CYRIA: variants seen among roughly 807,000 people sequenced by gnomAD.
CYRIA encodes the protein CYFIP related Rac1 interactor A.
CYRIA carries 15 observed loss-of-function variants against 43.9 expected under a neutral mutation model. The ratio of observed to expected loss-of-function variants is 0.34; its 90% confidence interval spans 0.23 to 0.53. The LOEUF (loss-of-function observed/expected upper bound fraction) is 0.53, where lower values mean the gene tolerates loss of function less well. Ranked by LOEUF, CYRIA falls within the 20% of genes least tolerant of loss-of-function variation. CYRIA has a pLI of 0.94. For missense variants in CYRIA, 236 were observed against 394.2 expected, an observed-to-expected ratio of 0.60 and a Z score of 3.40; for synonymous variants, 117 against 136.0, an observed-to-expected ratio of 0.86 and a Z score of 0.97.
chr2:16,617,266 T>C (rs1411565771), intron 2 of CYRIA, among the ~76,000 whole-genome samples: 1 of 152,040 alleles, frequency 6.6e-6, no homozygotes, highest in African/African-American at 2.4e-5. Context: ...GCCAAGTTGG[T>C]TTCAGCAGTC....
intron 1 of CYRIA, among the ~76,000 whole-genome samples, chr2:16,643,573 G>C (rs1436717665): frequency 6.6e-6 from 1 of 152,172 alleles, no homozygotes; most frequent in African/African-American, 2.4e-5. Flanking sequence ...TAATAATTGT[G>C]TACACGTTCC....
chr2:16,554,984 G>C, intron 11 of CYRIA, 85 bp downstream of exon 11: 1 of 963,666 alleles, frequency 1.0e-6, no homozygotes, highest in Non-Finnish European at 1.6e-6. Flanking sequence ...GGTTAAGTTT[G>C]GTGCTATCCA....
At chr2:16,652,761 G>A (rs1397023507) in intron 1 of CYRIA, among the ~76,000 whole-genome samples, 1 of 152,162 alleles carries the variant, frequency 6.6e-6, no homozygotes, top group African/African-American at 2.4e-5. Context: ...GGGATCGGAT[G>A]AGCAGTTAAT....
At position 16,557,443 on chromosome 2, in the gene CYRIA, T is replaced by C. The variant is rs187822336; in HGVS notation, c.837+2017A>G. On this transcript the variant is annotated intron_variant, in intron 10 of 11. Coordinates refer to ENST00000381323, the MANE Select transcript of CYRIA (RefSeq NM_030797.4). ...GGCCCTCACGAAGAGATCCTGGGGT[T>C]TTCACAGTTGATGCTGATGCCCTAA... 2.8e-3 allele frequency among the ~76,000 whole-genome samples: 419 copies of C among 152,226 alleles called. 2 individuals are homozygous for C. The highest frequency in any genetic ancestry group is 6.4e-3 in the Admixed American group (98 of 15,284).
At chr2:16,604,791 T>C (rs1668334360) in intron 2 of CYRIA, among the ~76,000 whole-genome samples, 1 of 152,232 alleles carries the variant, frequency 6.6e-6, no homozygotes, top group South Asian at 2.1e-4. Context: ...ACATCCCTGC[T>C]CCATCTGCCA....
intron 3 of CYRIA, among the ~76,000 whole-genome samples, chr2:16,575,240 T>C (rs1319886656): frequency 1.3e-5 from 2 of 152,212 alleles, no homozygotes; most frequent in East Asian, 3.8e-4. Flanking sequence ...CTTTTGATTT[T>C]ACAGGCTCAT....
At chr2:16,558,752 T>C (rs960975429) in intron 10 of CYRIA, among the ~76,000 whole-genome samples, 14 of 152,056 alleles carry the variant, frequency 9.2e-5, no homozygotes, top group African/African-American at 3.1e-4. Context: ...TGTGAGGCAA[T>C]AGAGCAGACA....
intron 2 of CYRIA, among the ~76,000 whole-genome samples, chr2:16,606,788 C>T (rs899043823): frequency 2.6e-5 from 4 of 152,176 alleles, no homozygotes; most frequent in East Asian, 1.9e-4. Flanking sequence ...TGGGATGACT[C>T]GACATCTAAG....
chr2:16,618,057 T>A (rs1202892001), intron 2 of CYRIA, among the ~76,000 whole-genome samples: 1 of 152,192 alleles, frequency 6.6e-6, no homozygotes. Context: ...GGGGCAGCAC[T>A]GTGGGGTTTT....
At chr2:16,577,648 TA>T (rs1667397426) in intron 3 of CYRIA, among the ~76,000 whole-genome samples, 1 of 152,150 alleles carries the variant, frequency 6.6e-6, no homozygotes, top group Admixed American at 6.5e-5. Flanking sequence ...TCACACACTG[TA>T]AAAAGAAGAG....
At chr2:16,631,437 G>A (rs1222381395) in intron 1 of CYRIA, among the ~76,000 whole-genome samples, 1 of 152,196 alleles carries the variant, frequency 6.6e-6, no homozygotes, top group Admixed American at 6.5e-5. Context: ...AGGCTGTGGA[G>A]GACTTTACAC....
At chr2:16,583,899 T>C (rs1311705361) in intron 3 of CYRIA, among the ~76,000 whole-genome samples, 2 of 152,198 alleles carry the variant, frequency 1.3e-5, no homozygotes, top group Non-Finnish European at 2.9e-5. Context: ...ATCAGATCTA[T>C]GCAACAGGAA....
chr2:16,602,031 C>A (rs778964729), intron 2 of CYRIA, among the ~76,000 whole-genome samples: 1 of 152,166 alleles, frequency 6.6e-6, no homozygotes, highest in African/African-American at 2.4e-5. Flanking sequence ...TAGGAGATTT[C>A]TTTCTTTGGT....
At chr2:16,624,634 C>T (rs1572185029) in intron 1 of CYRIA, among the ~76,000 whole-genome samples, 1 of 152,140 alleles carries the variant, frequency 6.6e-6, no homozygotes, top group South Asian at 2.1e-4. Context: ...TTTCTGTCCA[C>T]GTTTCAGAGA....
chr2:16,549,979 T>C lies in CYRIA; in HGVS notation c.*2957A>G, dbSNP rs1666235931. Reference sequence around the variant, plus strand: ...CCACCCCTAATGTGAAGACATCCATTTCCAGTTGTTTTTTTTTTTTGTTAT... The same window carrying C: ...CCACCCCTAATGTGAAGACATCCATCTCCAGTTGTTTTTTTTTTTTGTTAT... On this transcript the variant is annotated 3_prime_UTR_variant, in exon 12 of 12. Transcript: ENST00000381323. The C allele has an allele frequency of 7.2e-6, 1 of 138,754 alleles. No homozygotes were observed. The highest frequency in any genetic ancestry group is 7.6e-5 in the Admixed American group (1 of 13,236). The allele number at this position is 138,754 out of a possible 1,614,324, so 8.6% of individuals were successfully genotyped here. A position where few individuals can be genotyped will look rare whatever the true frequency, so the allele number is the denominator to read the frequency against.
At chr2:16,614,924 G>T (rs1266810650) in intron 2 of CYRIA, among the ~76,000 whole-genome samples, 6 of 152,178 alleles carry the variant, frequency 3.9e-5, no homozygotes, top group Admixed American at 2.0e-4. Flanking sequence ...CTGCGGCACA[G>T]CAAGATTCTG....
intron 1 of CYRIA, among the ~76,000 whole-genome samples, chr2:16,645,653 C>T (rs1410201017): frequency 2.6e-5 from 4 of 152,108 alleles, no homozygotes; most frequent in Non-Finnish European, 4.4e-5. Flanking sequence ...AAAAGCTCTA[C>T]GATGTCACAA....
chr2:16,589,289 A>T (rs1043532228), intron 2 of CYRIA, among the ~76,000 whole-genome samples: 5 of 152,090 alleles, frequency 3.3e-5, no homozygotes, highest in Admixed American at 1.3e-4. Flanking sequence ...GATACAAGGA[A>T]TTTTAAAAAA....
intron 1 of CYRIA, among the ~76,000 whole-genome samples, chr2:16,644,690 C>T (rs879471326): frequency 1.3e-5 from 2 of 152,208 alleles, no homozygotes; most frequent in South Asian, 2.1e-4. Context: ...CTAGAAGTAA[C>T]TTCCTTGGAG....
Sources: gnomAD v4.1 joint callset for allele counts (sites outside exome capture counted in the v4.1 genomes callset) on GRCh38, gnomAD v4.1.1 for gene constraint, MANE v1.5 for transcripts, NCBI Gene and HGNC (gene_info 2026-07-23, HGNC 2026-07-21) for gene names.